CFD: variants seen among roughly 807,000 people sequenced by gnomAD.
CFD encodes C3 convertase activator.
A neutral mutation model predicts 21.1 loss-of-function variants in CFD; 24 were observed. The observed-to-expected ratio is 1.14, with a 90% CI of 0.82 to 1.60. The LOEUF (loss-of-function observed/expected upper bound fraction) is 1.60, where lower values mean the gene tolerates loss of function less well. CFD is among the 40% of genes most tolerant of loss of function. The probability of loss-of-function intolerance (pLI) is 0.00; values close to 1 mark genes in which losing one functional copy is unlikely to be tolerated. For missense variants in CFD, 535 were observed against 383.3 expected (o/e 1.40, Z -3.31); for synonymous variants, 242 against 175.9 (o/e 1.38, Z -2.97).
In CFD at chr19:860,668, C is replaced by G. The variant is rs899532169; in HGVS notation, c.107C>G (p.Ala36Gly). The change falls in exon 2 of 5, where the codon GCG (alanine) becomes GGG (glycine). Residue 36 changes from alanine (A) to glycine (G), a missense_variant. Transcript: ENST00000327726. The stretch of plus-strand genomic sequence containing the variant: ...GGCGGCAGAGAGGCCGAGGCGCACG[C>G]GCGGCCCTACATGGCGTCGGTGCAG... ...ILGGREAEAH[A>G]RPYMASVQLN... 2 of 1,510,390 alleles carry G rather than the reference C, an allele frequency of 1.3e-6. No homozygotes were observed. Among genetic ancestry groups the G allele is most frequent in the Admixed American group, 2.1e-5 (1 of 47,802 alleles). The allele number at this position is 1,510,390 out of a possible 1,614,324, so 93.6% of individuals were successfully genotyped here.
In CFD at chr19:861,319, CCCACCCCCT is replaced by C. The variant is rs1568309747; in HGVS notation, c.357+315_357+323del. ...CCTCTCTTGCTGCGCTCGGAGCCCC[CCCACCCCCT>C]GCACCCTCACCCCGGGTCCAGCCTC... On this transcript the variant is annotated intron_variant, in intron 3 of 4. Coordinates refer to ENST00000327726, the MANE Select transcript of CFD (RefSeq NM_001928.4). Among the ~76,000 whole-genome samples the C allele has an allele frequency of 3.6e-4, 24 of 66,628 alleles. 1 individual carries two copies. The highest frequency in any genetic ancestry group is 8.3e-4 in the Non-Finnish European group (22 of 26,428). The allele number at this position is 66,628 out of a possible 152,430, so 43.7% of individuals were successfully genotyped here.
At position 860,996 on chromosome 19, in the gene CFD, G is replaced by C; in HGVS notation, c.348G>C (p.Leu116=). The C allele has an allele frequency of 6.3e-7, 1 of 1,598,424 alleles. No homozygotes were observed. Among genetic ancestry groups the C allele is most frequent in the Non-Finnish European group, 8.5e-7 (1 of 1,179,456 alleles). The stretch of plus-strand genomic sequence containing the variant: ...CCGACACCATCGACCACGACCTCCT[G>C]CTGCTACAGGTCGGCCCCGTGTAGC... ...SQPDTIDHDL[L]LLQLSEKATL... Residue 116 remains leucine, a synonymous_variant, in exon 3 of 5, where the codon CTG becomes CTC. Coordinates refer to ENST00000327726, the MANE Select transcript of CFD (RefSeq NM_001928.4).
intron 1 of CFD, among the ~76,000 whole-genome samples, 186 bp from the exon 2 acceptor site, chr19:860,431 C>CA (rs1491407248): frequency 9.3e-5 from 5 of 53,508 alleles, no homozygotes; most frequent in Non-Finnish European, 2.1e-4. Flanking sequence ...ATGATCTGCA[C>CA]CCCCCCCTCC....
rs934331967 is a variant in CFD at position 861,914 on chromosome 19, G to A, written c.573G>A (p.Glu191=). The change falls in exon 4 of 5, where the codon GAG becomes GAA. Residue 191 remains glutamate (E), a synonymous_variant. Transcript: ENST00000327726. ...RRTHHDGAIT[E]RLMCAESNRR... ...CGCACCACGACGGCGCCATCACCGA[G>A]CGCTTGATGTGCGCGGAGAGCAATC... 7 of 1,572,940 alleles carry A rather than the reference G, an allele frequency of 4.5e-6. No homozygotes were observed. The highest frequency in any genetic ancestry group is 6.0e-6 in the Non-Finnish European group (7 of 1,166,660).
chr19:862,650 T>C (rs1235038945), intron 4 of CFD, among the ~76,000 whole-genome samples: 1 of 147,348 alleles, frequency 6.8e-6, no homozygotes, highest in Non-Finnish European at 1.5e-5. Context: ...GCTTGCATGG[T>C]AGCCGGGGCC....
At chr19:861,044 G>C (rs2035784497) in intron 3 of CFD, 39 bp downstream of exon 3, 1 of 1,585,546 alleles carries the variant, frequency 6.3e-7, no homozygotes, top group African/African-American at 1.3e-5. Context: ...GCGGCGCTGG[G>C]ATCCCCGGCC....
rs2035834152 is a variant in CFD at position 863,166 on chromosome 19, C to T, written c.690C>T (p.Gly230=). 6.6e-7 allele frequency: 1 copy of T among 1,512,036 alleles called. No homozygotes were observed. The highest frequency in any genetic ancestry group is 8.8e-7 in the Non-Finnish European group (1 of 1,137,104). The allele number at this position is 1,512,036 out of a possible 1,614,324, so 93.7% of individuals were successfully genotyped here. A position where few individuals can be genotyped will look rare whatever the true frequency, so the allele number is the denominator to read the frequency against. The change falls in exon 5 of 5, where the codon GGC becomes GGT. Residue 230 remains glycine, a synonymous_variant. Coordinates refer to ENST00000327726, the MANE Select transcript of CFD (RefSeq NM_001928.4). ...GVVTSGSRVC[G]NRKKPGIYTR... ...TCACCTCGGGCTCGCGCGTTTGCGG[C>T]AACCGCAAGAAGCCCGGGATCTACA...
At position 863,244 on chromosome 19, in the gene CFD, C is replaced by A. The variant is rs529438075; in HGVS notation, c.*6C>A. On this transcript the variant is annotated 3_prime_UTR_variant, in exon 5 of 5. Transcript: ENST00000327726. The stretch of plus-strand genomic sequence containing the variant: ...TCGACAGCGTCCTGGCCTAGGGTGC[C>A]GGGGCCTGAAGGTCAGGGTCACCCA... 2.8e-4 allele frequency: 441 copies of A among 1,547,460 alleles called. 3 individuals carry two copies. Among genetic ancestry groups the A allele is most frequent in the South Asian group, 1.6e-3 (136 of 84,688 alleles).
At position 863,147 on chromosome 19, in the gene CFD, C is replaced by T; in HGVS notation, c.671C>T (p.Ser224Leu). 3 of 1,535,630 alleles carry T rather than the reference C, an allele frequency of 2.0e-6. No homozygotes were observed. The highest frequency in any genetic ancestry group is 2.4e-5 in the East Asian group (1 of 40,848). The change falls in exon 5 of 5, where the codon TCG becomes TTG. Residue 224 changes from serine (S) to leucine (L), a missense_variant. Transcript: ENST00000327726. Reference sequence around the variant, plus strand: ...GGCGTGCTCGAGGGCGTGGTCACCTCGGGCTCGCGCGTTTGCGGCAACCGC... The same window carrying T: ...GGCGTGCTCGAGGGCGTGGTCACCTTGGGCTCGCGCGTTTGCGGCAACCGC... ...CGGVLEGVVTSGSRVCGNRKK... is the reference protein window; with the variant it reads ...CGGVLEGVVTLGSRVCGNRKK...
chr19:861,919 T>G lies in CFD; in HGVS notation c.578T>G (p.Leu193Trp), dbSNP rs370120478. Reference sequence around the variant, plus strand: ...CACGACGGCGCCATCACCGAGCGCTTGATGTGCGCGGAGAGCAATCGCCGG... The same window carrying G: ...CACGACGGCGCCATCACCGAGCGCTGGATGTGCGCGGAGAGCAATCGCCGG... ...THHDGAITER[L>W]MCAESNRRDS... The change falls in exon 4 of 5, where the codon TTG (leucine) becomes TGG (tryptophan). Residue 193 changes from leucine (L) to tryptophan (W), a missense_variant. By Grantham distance (61) the Leu-to-Trp change is moderately conservative. Transcript: ENST00000327726. 5 of 1,568,542 alleles carry G rather than the reference T, an allele frequency of 3.2e-6. No homozygotes were observed. Among genetic ancestry groups the G allele is most frequent in the Non-Finnish European group, 4.3e-6 (5 of 1,164,590 alleles).
chr19:861,880 A>T lies in CFD; in HGVS notation c.539A>T (p.Asn180Ile). ...CCAGTGCTGGACCGCGCCACCTGCA[A>T]CCGGCGCACGCACCACGACGGCGCC... ...LLPVLDRATCNRRTHHDGAIT... is the reference protein window; with the variant it reads ...LLPVLDRATCIRRTHHDGAIT... Residue 180 changes from asparagine to isoleucine, a missense_variant, in exon 4 of 5, where the codon AAC becomes ATC. Coordinates refer to ENST00000327726, the MANE Select transcript of CFD (RefSeq NM_001928.4). 6.3e-7 allele frequency: 1 copy of T among 1,590,420 alleles called. No homozygotes were observed. Among genetic ancestry groups the T allele is most frequent in the African/African-American group, 1.3e-5 (1 of 74,790 alleles).
Position 859,741 on chromosome 19 carries a change from T to A in CFD, c.52T>A (p.Cys18Ser), listed in dbSNP as rs750039547. The change falls in exon 1 of 5, where the codon TGC (cysteine) becomes AGC (serine). Residue 18 changes from cysteine to serine, a missense_variant. Cys to Ser is a moderately radical substitution (Grantham distance 112). Coordinates refer to ENST00000327726, the MANE Select transcript of CFD (RefSeq NM_001928.4). ...AVLVLLGAAA[C>S]AAPPRGRILG... ...TCTGGTCCTCCTAGGAGCGGCCGCCTGCGGTGAGGAGGCCTGGGCCTGGGG... is the reference window on the plus strand; with the variant it reads ...TCTGGTCCTCCTAGGAGCGGCCGCCAGCGGTGAGGAGGCCTGGGCCTGGGG... 1.3e-6 allele frequency: 2 copies of A among 1,570,296 alleles called. No individual in the cohort carries two copies.
chr19:861,928 C>G lies in CFD; in HGVS notation c.587C>G (p.Ala196Gly). Residue 196 changes from alanine (A) to glycine (G), a missense_variant, in exon 4 of 5, where the codon GCG (alanine) becomes GGG (glycine). Transcript: ENST00000327726. Reference sequence around the variant, plus strand: ...GCCATCACCGAGCGCTTGATGTGCGCGGAGAGCAATCGCCGGGACAGCTGC... The same window carrying G: ...GCCATCACCGAGCGCTTGATGTGCGGGGAGAGCAATCGCCGGGACAGCTGC... The part of the protein sequence containing the change: ...DGAITERLMC[A>G]ESNRRDSCKG... 2 of 1,563,092 alleles carry G rather than the reference C, an allele frequency of 1.3e-6. No homozygotes were observed.
chr19:862,793 G>A (rs1342771470), intron 4 of CFD, among the ~76,000 whole-genome samples: 1 of 53,302 alleles, frequency 1.9e-5, no homozygotes, highest in East Asian at 2.1e-4. Context: ...GCAGGAATGA[G>A]GTGTGGGACC....
Position 861,962 on chromosome 19 carries a change from C to G in CFD, c.615+6C>G. On this transcript the variant is annotated splice_donor_region_variant and intron_variant, in intron 4 of 4. Transcript: ENST00000327726. ...ATCGCCGGGACAGCTGCAAGGTGAG[C>G]CTTCAGGCCTGGGAGGAGACGCGGG... 1 of 1,540,848 alleles carries G rather than the reference C, an allele frequency of 6.5e-7. No individual in the cohort carries two copies. The highest frequency in any genetic ancestry group is 8.7e-7 in the Non-Finnish European group (1 of 1,149,990).
chr19:863,326 T>A lies in CFD; in HGVS notation c.*88T>A. Reference sequence around the variant, plus strand: ...ACTCCTGCATCTGGTTGGTCTTTATTGAGCACCTACTATATGCAGAAGGGG... The same window carrying A: ...ACTCCTGCATCTGGTTGGTCTTTATAGAGCACCTACTATATGCAGAAGGGG... On this transcript the variant is annotated 3_prime_UTR_variant, in exon 5 of 5. Coordinates refer to ENST00000327726, the MANE Select transcript of CFD (RefSeq NM_001928.4). 1 of 1,475,142 alleles carries A rather than the reference T, an allele frequency of 6.8e-7. No individual in the cohort carries two copies. Among genetic ancestry groups the A allele is most frequent in the Non-Finnish European group, 9.2e-7 (1 of 1,091,712 alleles). The allele number at this position is 1,475,142 out of a possible 1,614,324, so 91.4% of individuals were successfully genotyped here.
In CFD at chr19:863,381, A is replaced by C; in HGVS notation, c.*143A>C. On this transcript the variant is annotated 3_prime_UTR_variant, in exon 5 of 5. Transcript: ENST00000327726. ...CGAGGTGGGAGGATCATTGGATCTC[A>C]GGAGTTCGAGATCAGCATGGGCCAC... 1.1e-4 allele frequency: 107 copies of C among 984,402 alleles called. No homozygotes were observed. The highest frequency in any genetic ancestry group is 1.3e-4 in the Non-Finnish European group (86 of 648,856). 61.0% of individuals were successfully genotyped at this position (984,402 alleles called of 1,614,324 possible).
chr19:860,433 C>CA (rs2035768996), intron 1 of CFD, among the ~76,000 whole-genome samples, 184 bp from the exon 2 acceptor site: 1 of 151,210 alleles, frequency 6.6e-6, no homozygotes, highest in Non-Finnish European at 1.5e-5. Flanking sequence ...GATCTGCACC[C>CA]CCCCCTCCCC....
rs767989615 is a variant in CFD at position 863,182 on chromosome 19, G to A, written c.706G>A (p.Gly236Arg). The change falls in exon 5 of 5, where the codon GGG (glycine) becomes AGG (arginine). Residue 236 changes from glycine (G) to arginine (R), a missense_variant. By Grantham distance (125) the Gly-to-Arg change is moderately radical. Transcript: ENST00000327726. The stretch of plus-strand genomic sequence containing the variant: ...CGTTTGCGGCAACCGCAAGAAGCCC[G>A]GGATCTACACCCGCGTGGCGAGCTA... The part of the protein sequence containing the change: ...SRVCGNRKKP[G>R]IYTRVASYAA... 4 of 1,538,376 alleles carry A rather than the reference G, an allele frequency of 2.6e-6. No homozygotes were observed. Among genetic ancestry groups the A allele is most frequent in the East Asian group, 2.4e-5 (1 of 41,302 alleles).
Sources: allele counts gnomAD v4.1 joint callset (sites outside exome capture counted in the v4.1 genomes callset), GRCh38; gene constraint gnomAD v4.1.1; transcripts MANE v1.5; gene names NCBI Gene and HGNC (gene_info 2026-07-23, HGNC 2026-07-21).